Variants in AFF3 observed in about 807,000 individuals in gnomAD.
The protein encoded by AFF3 is ALF transcription elongation factor 3, also known as AF4/FMR2 family member 3.
Under a neutral mutation model 129.7 loss-of-function variants are expected in AFF3, and 32 were observed. The ratio of observed to expected loss-of-function variants is 0.25; its 90% CI spans 0.19 to 0.33. The LOEUF is 0.33. AFF3 is among the 10% of genes least tolerant of loss of function. AFF3 has a pLI of 1.00. For missense variants in AFF3, 1,373 were observed against 1,592.0 expected (o/e 0.86, Z 2.34); for synonymous variants, 644 against 635.4 (o/e 1.01, Z -0.20).
chr2:99,689,129 G>C (rs1221809191), intron 11 of AFF3, among the ~76,000 whole-genome samples: 1 of 152,010 alleles, frequency 6.6e-6, no homozygotes, highest in African/African-American at 2.4e-5. Context: ...ACGCTGCTTC[G>C]GTTTACATTT....
At chr2:100,105,483 T>G (rs748251847) in intron 3 of AFF3, 21 bp downstream of exon 3, 2 of 1,326,918 alleles carry the variant, frequency 1.5e-6, no homozygotes, top group Non-Finnish European at 1.0e-6. Context: ...GAAACCAACC[T>G]CCTTTCTTTT....
At chr2:99,662,103 G>T (rs1575627482) in intron 12 of AFF3, among the ~76,000 whole-genome samples, 1 of 151,420 alleles carries the variant, frequency 6.6e-6, no homozygotes, top group African/African-American at 2.4e-5. Context: ...TCGCGCCACT[G>T]AACTTCAGCC....
intron 11 of AFF3, among the ~76,000 whole-genome samples, chr2:99,705,512 T>C (rs201591514): frequency 2.0e-5 from 3 of 151,166 alleles, no homozygotes; most frequent in African/African-American, 7.3e-5. Context: ...GAAAAAAAAA[T>C]AGAAATTTAG....
chr2:99,816,742 AAG>A (rs1264973591), intron 8 of AFF3, among the ~76,000 whole-genome samples: 6 of 151,956 alleles, frequency 3.9e-5, no homozygotes, highest in Non-Finnish European at 8.8e-5. Flanking sequence ...CACTCTGAAC[AAG>A]AGTCTTGGTG....
chr2:99,743,569 C>T (rs7584365), intron 10 of AFF3, among the ~76,000 whole-genome samples: 110,328 of 152,078 alleles, frequency 0.73, 41,124 homozygotes, highest in East Asian at 0.92. Context: ...ATGATAGCAT[C>T]CTCTCTTTGA....
chr2:99,808,955 GGGA>G (rs1213876414), intron 8 of AFF3, among the ~76,000 whole-genome samples: 1 of 152,198 alleles, frequency 6.6e-6, no homozygotes, highest in East Asian at 1.9e-4. Context: ...CTACAGAAAA[GGGA>G]GGAGTTTTTG....
At chr2:99,994,521 T>C (rs766252801) in intron 7 of AFF3, among the ~76,000 whole-genome samples, 13 of 152,102 alleles carry the variant, frequency 8.5e-5, no homozygotes, top group Non-Finnish European at 1.6e-4. Context: ...TATAAACAAT[T>C]AGAAATTAGA....
intron 4 of AFF3, among the ~76,000 whole-genome samples, chr2:100,048,513 A>G (rs1686023289): frequency 6.6e-6 from 1 of 152,254 alleles, no homozygotes; most frequent in Non-Finnish European, 1.5e-5. Context: ...ATGGAAGTGT[A>G]TGATTTAATT....
chr2:100,123,215 G>A (rs1692051365), intron 2 of AFF3, among the ~76,000 whole-genome samples: 1 of 152,192 alleles, frequency 6.6e-6, no homozygotes, highest in Admixed American at 6.5e-5. Flanking sequence ...AATTTTTGTA[G>A]CATGTAGTTC....
rs1161440484 is a variant in AFF3, at chr2:99,601,500, A to G, written c.1306T>C (p.Ser436Pro). The change falls in exon 14 of 25, where the codon TCG (serine) becomes CCG (proline). Residue 436 changes from serine (S) to proline (P), a missense_variant. By Grantham distance (74) the Ser-to-Pro change is moderately conservative. Coordinates refer to ENST00000672756, the MANE Select transcript of AFF3 (RefSeq NM_001386135.1). ...SDSESSSGSD[S>P]ETESSSSESE... is the part of the protein sequence containing the mutation. ...TCGCTGGAGCTGCTCTCGGTCTCCG[A>G]GTCAGATCCGGAGCTGCTCTCTGAG... 8 of 1,608,394 alleles carry G rather than the reference A, an allele frequency of 5.0e-6. No homozygotes were observed. Among genetic ancestry groups the G allele is most frequent in the Non-Finnish European group, 6.8e-6 (8 of 1,177,992 alleles).
At chr2:99,634,854 C>T (rs905356461) in intron 13 of AFF3, among the ~76,000 whole-genome samples, 3 of 151,922 alleles carry the variant, frequency 2.0e-5, no homozygotes, top group African/African-American at 7.3e-5. Flanking sequence ...GCAAGCAGCC[C>T]CCAGCAGAAT....
rs112311295 is a variant in AFF3, at chr2:100,044,769, T to C, written c.54-35837A>G. On this transcript the variant is annotated intron_variant, in intron 4 of 24. Transcript: ENST00000672756. ...GGTTTATAGTCCTTAAAATAATCTA[T>C]GGATGTGCCAAAGAAAACTGTACAA... Among the ~76,000 whole-genome samples, 327 of 152,162 alleles carry C rather than the reference T, an allele frequency of 2.1e-3. 1 individual carries two copies. Among genetic ancestry groups the C allele is most frequent in the South Asian group, 0.011 (51 of 4,820 alleles).
intron 4 of AFF3, among the ~76,000 whole-genome samples, chr2:100,073,946 A>T (rs896792328): frequency 6.6e-6 from 1 of 152,232 alleles, no homozygotes; most frequent in Non-Finnish European, 1.5e-5. Flanking sequence ...AAAAAACAAG[A>T]ACACGTGATC....
rs761113019 is a variant in AFF3, at chr2:100,008,833, A to G, written c.153T>C (p.Ser51=). Residue 51 remains serine (S), a synonymous_variant, in exon 5 of 25, where the codon TCT becomes TCC. Transcript: ENST00000672756. ...QDDGTFNSSY[S]LFSEPYKTNK... ...CTACCTTGTAGGGCTCACTGAAGAGAGAGTAACTAGAATTAAACGTGCCAT... is the reference window on the plus strand; with the variant it reads ...CTACCTTGTAGGGCTCACTGAAGAGGGAGTAACTAGAATTAAACGTGCCAT... 1.4e-5 allele frequency: 23 copies of G among 1,613,944 alleles called. No homozygotes were observed. The highest frequency in any genetic ancestry group is 1.8e-5 in the Non-Finnish European group (21 of 1,179,972).
Position 99,593,903 on chromosome 2 carries a change from C to T in AFF3, c.1758G>A (p.Lys586=), listed in dbSNP as rs556555785. Residue 586 remains lysine (K), a synonymous_variant, in exon 15 of 25, where the codon AAG becomes AAA. Coordinates refer to ENST00000672756, the MANE Select transcript of AFF3 (RefSeq NM_001386135.1). ...AGGTCCTCTCGGTGCGCCTGGTGGG[C>T]TTCTTGCCCGCGGACCTCCGGGCAG... ...PAPARRSAGK[K]PTRRTERTSA... is the part of the protein sequence containing the mutation. The T allele has an allele frequency of 4.8e-6, 7 of 1,459,816 alleles. No homozygotes were observed. In the East Asian group the frequency reaches 1.3e-4, roughly 27 times the overall value. 90.4% of individuals were successfully genotyped at this position (1,459,816 alleles called of 1,614,324 possible).
rs763715646 is a variant in AFF3, at chr2:99,594,217, T to C, written c.1444A>G (p.Ile482Val). The C allele has an allele frequency of 3.1e-6, 5 of 1,613,898 alleles. No individual in the cohort carries two copies. In the Admixed American group the frequency reaches 5.0e-5, roughly 16 times the overall value. The change falls in exon 15 of 25, where the codon ATT becomes GTT. Residue 482 changes from isoleucine to valine, a missense_variant. Ile to Val is a conservative substitution (Grantham distance 29). Transcript: ENST00000672756. ...CCGTGGCTTTCATTTTGGATCAGAA[T>C]AGGAGGCTTGTGGGGATTAACTTTG... The part of the protein sequence containing the change: ...LNKVNPHKPP[I>V]LIQNESHGSE...
chr2:99,938,091 C>G (rs544998535), intron 7 of AFF3, among the ~76,000 whole-genome samples: 5 of 152,204 alleles, frequency 3.3e-5, no homozygotes, highest in Non-Finnish European at 7.3e-5. Context: ...AATACCTACT[C>G]TTTAGATACT....
At chr2:100,032,531 C>A (rs552050653) in intron 4 of AFF3, among the ~76,000 whole-genome samples, 1 of 152,208 alleles carries the variant, frequency 6.6e-6, no homozygotes, top group South Asian at 2.1e-4. Context: ...AAAGTTATAA[C>A]CAATTCAATG....
chr2:100,134,260 C>T (rs1207455513), intron 1 of AFF3, among the ~76,000 whole-genome samples: 1 of 152,190 alleles, frequency 6.6e-6, no homozygotes, highest in East Asian at 1.9e-4. Flanking sequence ...TAAAAATATG[C>T]ATTTTCCAAC....
Sources: allele counts gnomAD v4.1 joint callset (sites outside exome capture counted in the v4.1 genomes callset), GRCh38; gene constraint gnomAD v4.1.1; transcripts MANE v1.5; gene names NCBI Gene and HGNC (gene_info 2026-07-23, HGNC 2026-07-21).